ATRNL1: variants seen among roughly 807,000 people sequenced by gnomAD.
ATRNL1 encodes attractin like 1, also known as attractin-like protein 1.
A neutral mutation model predicts 182.7 loss-of-function variants in ATRNL1; 95 were observed. The observed-to-expected ratio is 0.52, with a 90% confidence interval of 0.44 to 0.62. The LOEUF is 0.62. Among genes scored for constraint, ATRNL1 ranks in the 20% least tolerant of loss-of-function variants. The probability of loss-of-function intolerance (pLI) is 0.00; values close to 1 mark genes in which losing one functional copy is unlikely to be tolerated. For synonymous variants in ATRNL1, 576 were observed against 568.3 expected, an observed-to-expected ratio of 1.01 and a Z score of -0.19; for missense variants, 1,471 against 1,679.5, an observed-to-expected ratio of 0.88 and a Z score of 2.17.
At chr10:115,559,088 C>T (rs900071089) in intron 26 of ATRNL1, among the ~76,000 whole-genome samples, 5 of 152,008 alleles carry the variant, frequency 3.3e-5, no homozygotes, top group Admixed American at 1.3e-4. Context: ...TCATGACTGG[C>T]GAGATAATAT....
intron 1 of ATRNL1, among the ~76,000 whole-genome samples, chr10:115,094,519 C>T (rs1216116926): frequency 6.6e-6 from 1 of 152,124 alleles, no homozygotes; most frequent in East Asian, 1.9e-4. Context: ...CTAGAGGTGA[C>T]CCCTTCTAAC....
At chr10:115,714,082 T>C (rs1555055611) in intron 26 of ATRNL1, among the ~76,000 whole-genome samples, 1 of 152,200 alleles carries the variant, frequency 6.6e-6, no homozygotes, top group Non-Finnish European at 1.5e-5. Flanking sequence ...GCCTTGGCCC[T>C]AGTTGAAGCC....
intron 28 of ATRNL1, among the ~76,000 whole-genome samples, chr10:115,849,658 G>T (rs1480976469): frequency 2.6e-5 from 4 of 152,116 alleles, no homozygotes; most frequent in African/African-American, 9.7e-5. Context: ...TTTCACATGT[G>T]ATCCTCATGA....
rs556738179 is a variant in ATRNL1 at position 115,712,947 on chromosome 10, C to T, written c.3796-14301C>T. On this transcript the variant is annotated intron_variant, in intron 26 of 28. Coordinates refer to ENST00000355044, the MANE Select transcript of ATRNL1 (RefSeq NM_207303.4). The stretch of plus-strand genomic sequence containing the variant: ...GAGCACATCTTATTCATGCCTTCTC[C>T]TCCAAGACAGTATTTTTAAAACTTT... 7.2e-5 allele frequency among the ~76,000 whole-genome samples: 11 copies of T among 152,228 alleles called. No individual in the cohort carries two copies. The East Asian group carries it at 1.4e-3, about 19-fold the overall frequency.
At chr10:115,666,397 A>G (rs894651368) in intron 26 of ATRNL1, among the ~76,000 whole-genome samples, 3 of 152,136 alleles carry the variant, frequency 2.0e-5, no homozygotes, top group Non-Finnish European at 4.4e-5. Context: ...AGCTTCCTTA[A>G]CACCCATTAC....
chr10:115,192,897 A>G (rs1399496487), intron 8 of ATRNL1, among the ~76,000 whole-genome samples: 2 of 151,854 alleles, frequency 1.3e-5, no homozygotes, highest in Non-Finnish European at 2.9e-5. Flanking sequence ...TAGGAATGCT[A>G]CTGTTTTTTT....
At chr10:115,321,155 AG>A (rs1195654649) in intron 18 of ATRNL1, among the ~76,000 whole-genome samples, 5 of 151,740 alleles carry the variant, frequency 3.3e-5, no homozygotes, top group Non-Finnish European at 7.4e-5. Flanking sequence ...CCTCTTATGT[AG>A]GACTGCTGTG....
At chr10:115,184,903 G>A (rs1847884716) in intron 8 of ATRNL1, among the ~76,000 whole-genome samples, 1 of 151,962 alleles carries the variant, frequency 6.6e-6, no homozygotes, top group Admixed American at 6.6e-5. Flanking sequence ...TGCGAAGAAG[G>A]ACTGCAAACA....
chr10:115,468,194 G>A lies in ATRNL1; in HGVS notation c.3496+942G>A, dbSNP rs183700376. 1.1e-3 allele frequency among the ~76,000 whole-genome samples: 160 copies of A among 150,752 alleles called. 3 individuals carry two copies. The highest frequency in any genetic ancestry group is 9.5e-3 in the South Asian group (46 of 4,818). On this transcript the variant is annotated intron_variant, in intron 23 of 28. Transcript: ENST00000355044. ...TATGGGTTTCATTAAGGAAAAATTC[G>A]TAATAACTTGTACTGTTAATTTGAT...
intron 24 of ATRNL1, among the ~76,000 whole-genome samples, chr10:115,508,629 C>A (rs1850234278): frequency 6.6e-6 from 1 of 151,942 alleles, no homozygotes; most frequent in Non-Finnish European, 1.5e-5. Flanking sequence ...AATATAAGAT[C>A]AAAACCACTA....
chr10:115,154,464 A>G (rs1846400618), intron 5 of ATRNL1, among the ~76,000 whole-genome samples: 1 of 152,094 alleles, frequency 6.6e-6, no homozygotes, highest in Non-Finnish European at 1.5e-5. Flanking sequence ...CCATTATGTA[A>G]TGGTAAAGGA....
intron 25 of ATRNL1, among the ~76,000 whole-genome samples, chr10:115,535,095 C>G (rs1166725038): frequency 6.6e-6 from 1 of 150,442 alleles, no homozygotes; most frequent in East Asian, 1.9e-4. Flanking sequence ...CTTGGAGTTG[C>G]TCTTCTCGAG....
At chr10:115,646,835 G>A (rs112753021) in intron 26 of ATRNL1, among the ~76,000 whole-genome samples, 75 of 151,730 alleles carry the variant, frequency 4.9e-4, no homozygotes, top group African/African-American at 1.8e-3. Flanking sequence ...GGGTACATGT[G>A]CACAACATGC....
intron 8 of ATRNL1, among the ~76,000 whole-genome samples, chr10:115,177,695 G>A (rs782604422): frequency 7.2e-5 from 11 of 151,970 alleles, no homozygotes; most frequent in South Asian, 2.1e-4. Context: ...TGCCTGTCTC[G>A]CACTCCTGAC....
chr10:115,750,123 T>G (rs1948405431), intron 27 of ATRNL1, among the ~76,000 whole-genome samples: 2 of 152,012 alleles, frequency 1.3e-5, no homozygotes, highest in South Asian at 4.1e-4. Flanking sequence ...AAAAGGGAAT[T>G]AAGATAGTAC....
At position 115,113,479 on chromosome 10, in the gene ATRNL1, C is replaced by T. The variant is rs138452972; in HGVS notation, c.294-6706C>T. 3.7e-3 allele frequency among the ~76,000 whole-genome samples: 558 copies of T among 152,248 alleles called. 3 individuals are homozygous for T. Among genetic ancestry groups the T allele is most frequent in the African/African-American group, 0.013 (526 of 41,548 alleles). ...ACCCAAATCTTATCTTGAATTACCA[C>T]GTGTTGTGGGAGGGATCTGGTGGGA... On this transcript the variant is annotated intron_variant, in intron 1 of 28. Transcript: ENST00000355044.
chr10:115,197,236 A>G (rs1848396881), intron 8 of ATRNL1, among the ~76,000 whole-genome samples: 1 of 152,116 alleles, frequency 6.6e-6, no homozygotes, highest in African/African-American at 2.4e-5. Context: ...TTACTTGGTC[A>G]TAATATATTA....
intron 26 of ATRNL1, among the ~76,000 whole-genome samples, chr10:115,559,532 A>C (rs1853564951): frequency 6.6e-6 from 1 of 152,110 alleles, no homozygotes. Flanking sequence ...TTCTTGCCCC[A>C]GTCCTAGAAT....
intron 27 of ATRNL1, among the ~76,000 whole-genome samples, chr10:115,730,823 T>C (rs1555062527): frequency 6.6e-6 from 1 of 151,856 alleles, no homozygotes; most frequent in Non-Finnish European, 1.5e-5. Flanking sequence ...TATATAGGAG[T>C]TTATTAAGTA....
Sources: allele counts gnomAD v4.1 joint callset (sites outside exome capture counted in the v4.1 genomes callset), GRCh38; gene constraint gnomAD v4.1.1; transcripts MANE v1.5; gene names NCBI Gene and HGNC (gene_info 2026-07-23, HGNC 2026-07-21).